The following WDR19 variants were observed in gnomAD, a reference collection of about 807,000 sequenced individuals.
WDR19 encodes the protein WD repeat domain 19.
Under a neutral mutation model 180.0 loss-of-function variants are expected in WDR19, and 121 were observed. The ratio of observed to expected loss-of-function variants is 0.67; its 90% CI spans 0.58 to 0.78. The LOEUF (loss-of-function observed/expected upper bound fraction) is 0.78, where lower values mean the gene tolerates loss of function less well. Among genes scored for constraint, WDR19 ranks in the 30% least tolerant of loss-of-function variants. The probability of loss-of-function intolerance (pLI) is 0.00; values close to 1 mark genes in which losing one functional copy is unlikely to be tolerated. For missense variants in WDR19, 1,450 were observed against 1,640.7 expected (o/e 0.88, Z 2.01); for synonymous variants, 497 against 540.7 (o/e 0.92, Z 1.12).
At chr4:39,241,220 AC>A (rs1165851076) in intron 21 of WDR19, among the ~76,000 whole-genome samples, 2 of 152,188 alleles carry the variant, frequency 1.3e-5, no homozygotes, top group Admixed American at 1.3e-4. Flanking sequence ...CATTTTTATT[AC>A]AAAAGTAATG....
chr4:39,217,100 A>G (rs1173116894), intron 12 of WDR19, 34 bp from the exon 13 acceptor site: 2 of 1,489,218 alleles, frequency 1.3e-6, no homozygotes, highest in Non-Finnish European at 1.8e-6. Flanking sequence ...TTTTACCAAC[A>G]TTTTAATGTG....
At chr4:39,208,274 G>A (rs1172295839) in intron 9 of WDR19, among the ~76,000 whole-genome samples, 1 of 149,696 alleles carries the variant, frequency 6.7e-6, no homozygotes, top group Admixed American at 6.7e-5. Context: ...AAATGTAAGT[G>A]AAAAACTTAT....
intron 5 of WDR19, among the ~76,000 whole-genome samples, chr4:39,195,540 CTT>C (rs1312201541): frequency 6.6e-6 from 1 of 152,046 alleles, no homozygotes; most frequent in African/African-American, 2.4e-5. Flanking sequence ...TATGTCCCTC[CTT>C]GTTTGACCTT....
chr4:39,277,179 T>C, intron 34 of WDR19, 36 bp downstream of exon 34: 3 of 1,564,374 alleles, frequency 1.9e-6, no homozygotes, highest in Non-Finnish European at 1.7e-6. Context: ...TTTCTTTGCA[T>C]ATATATTTGT....
intron 36 of WDR19, among the ~76,000 whole-genome samples, chr4:39,284,331 A>ATTTTTT (rs143848496): frequency 1.4e-4 from 13 of 91,532 alleles, no homozygotes; most frequent in Non-Finnish European, 1.6e-4. Context: ...AGTAAAAAAA[A>ATTTTTT]TTTTTTTTTT....
chr4:39,283,416 A>T (rs1022275945), intron 36 of WDR19, among the ~76,000 whole-genome samples: 1 of 151,642 alleles, frequency 6.6e-6, no homozygotes, highest in African/African-American at 2.4e-5. Context: ...TGTTATTATC[A>T]GGCTGAATTT....
intron 14 of WDR19, 139 bp downstream of exon 14, chr4:39,218,244 A>G (rs1463611756): frequency 9.1e-7 from 1 of 1,096,894 alleles, no homozygotes; most frequent in Admixed American, 2.4e-5. Flanking sequence ...GATTAATTAT[A>G]TACATTCATG....
chr4:39,223,365 C>T (rs1729893597), intron 14 of WDR19, among the ~76,000 whole-genome samples: 2 of 152,212 alleles, frequency 1.3e-5, no homozygotes, highest in Admixed American at 6.5e-5. Context: ...GAGTCTCGCT[C>T]TGTCGCCCAG....
At chr4:39,211,929 C>CAGAGAGAG (rs60128786) in intron 9 of WDR19, among the ~76,000 whole-genome samples, 10 of 135,354 alleles carry the variant, frequency 7.4e-5, no homozygotes, top group Admixed American at 3.7e-4. Context: ...TATAGACAGA[C>CAGAGAGAG]AGAGAGAGAG....
chr4:39,205,123 C>T, intron 7 of WDR19, 31 bp from the exon 8 acceptor site: 1 of 1,479,600 alleles, frequency 6.8e-7, no homozygotes, highest in Non-Finnish European at 9.2e-7. Flanking sequence ...CTAAGTAACT[C>T]ATTTCACAAT....
At chr4:39,265,449 G>T (rs1734696354) in intron 28 of WDR19, among the ~76,000 whole-genome samples, 1 of 152,002 alleles carries the variant, frequency 6.6e-6, no homozygotes, top group Non-Finnish European at 1.5e-5. Flanking sequence ...CTGTCCTCAA[G>T]GTGTCATAGT....
chr4:39,239,469 A>T (rs1322321298), intron 20 of WDR19, among the ~76,000 whole-genome samples: 2 of 152,102 alleles, frequency 1.3e-5, no homozygotes, highest in African/African-American at 4.8e-5. Flanking sequence ...TTTTATGGTC[A>T]CATGATTGTC....
At chr4:39,234,909 G>A in intron 20 of WDR19, 34 bp downstream of exon 20, 1 of 1,314,260 alleles carries the variant, frequency 7.6e-7, no homozygotes, top group Non-Finnish European at 1.1e-6. Flanking sequence ...TCAGTCAGTA[G>A]CTAATGACTG....
In WDR19 at chr4:39,244,585, G is replaced by C. The variant is rs760528468; in HGVS notation, c.2645+33G>C. On this transcript the variant is annotated intron_variant, in intron 23 of 36. Transcript: ENST00000399820. Reference sequence around the variant, plus strand: ...CTGCCTGCGGTTTGTTTCTGAACAGGATTGGAAATGAATGTGCCTCTGGGG... The same window carrying C: ...CTGCCTGCGGTTTGTTTCTGAACAGCATTGGAAATGAATGTGCCTCTGGGG... 4 of 1,612,874 alleles carry C rather than the reference G, an allele frequency of 2.5e-6. No homozygotes were observed. In the South Asian group the frequency reaches 4.4e-5, roughly 18 times the overall value.
intron 28 of WDR19, among the ~76,000 whole-genome samples, chr4:39,261,053 G>A (rs1475477070): frequency 6.6e-6 from 1 of 151,836 alleles, no homozygotes; most frequent in Non-Finnish European, 1.5e-5. Context: ...GAGTGCAGTG[G>A]CACGATCTTG....
intron 24 of WDR19, 100 bp downstream of exon 24, chr4:39,245,552 AAGAC>A: frequency 1.6e-6 from 2 of 1,260,256 alleles, no homozygotes; most frequent in East Asian, 2.5e-5. Flanking sequence ...AAACCAGAGA[AAGAC>A]AGAAAACACC....
At chr4:39,243,020 C>G (rs1732130427) in intron 21 of WDR19, among the ~76,000 whole-genome samples, 1 of 152,136 alleles carries the variant, frequency 6.6e-6, no homozygotes, top group Non-Finnish European at 1.5e-5. Flanking sequence ...AGCATTGCAT[C>G]ACTGCACTCC....
chr4:39,272,938 A>G (rs1426180675), intron 31 of WDR19, 42 bp from the exon 32 acceptor site: 4 of 1,487,248 alleles, frequency 2.7e-6, no homozygotes, highest in South Asian at 1.3e-5. Context: ...ATTGGGGCTA[A>G]TCAATGACTA....
chr4:39,240,701 T>C (rs543544261), intron 21 of WDR19, among the ~76,000 whole-genome samples: 26 of 152,060 alleles, frequency 1.7e-4, no homozygotes, highest in East Asian at 9.7e-4. Flanking sequence ...CCTGTAATCC[T>C]AGCACTTTGG....
Sources: allele counts gnomAD v4.1 joint callset (sites outside exome capture counted in the v4.1 genomes callset), GRCh38; gene constraint gnomAD v4.1.1; transcripts MANE v1.5; gene names NCBI Gene and HGNC (gene_info 2026-07-23, HGNC 2026-07-21).